The following FLVCR1 variants were observed in gnomAD, a reference collection of about 807,000 sequenced individuals.
FLVCR1 encodes the protein FLVCR choline and heme transporter 1.
In FLVCR1, 34 loss-of-function variants were observed where a neutral mutation model predicts 53.6. That is an observed-to-expected ratio of 0.63 (90% confidence interval 0.48 to 0.84). The LOEUF is 0.84. Among genes scored for constraint, FLVCR1 ranks in the 40% least tolerant of loss-of-function variants. The pLI is 0.00. For missense variants in FLVCR1, 677 were observed against 696.7 expected, an observed-to-expected ratio of 0.97 and a Z score of 0.32; for synonymous variants, 300 against 286.3, an observed-to-expected ratio of 1.05 and a Z score of -0.48.
chr1:212,881,140 T>G (rs1034943800), intron 3 of FLVCR1, among the ~76,000 whole-genome samples: 13 of 152,280 alleles, frequency 8.5e-5, no homozygotes, highest in Non-Finnish European at 1.8e-4. Context: ...CCCAGGATAA[T>G]TGATTGTCCA....
Position 212,858,297 on chromosome 1 carries a change from T to C in FLVCR1, c.-156T>C, listed in dbSNP as rs17676799. The C allele has an allele frequency of 1.5e-6, 1 of 689,042 alleles. No homozygotes were observed. The highest frequency in any genetic ancestry group is 3.0e-5 in the East Asian group (1 of 33,600). 42.7% of individuals were successfully genotyped at this position (689,042 alleles called of 1,614,324 possible). A position where few individuals can be genotyped will look rare whatever the true frequency, so the allele number is the denominator to read the frequency against. ...AGGAGACCTTCATCTGTTCACGCGG[T>C]AGCGCGGATTGCGGTTCGCGGCGCG... On this transcript the variant is annotated 5_prime_UTR_variant, in exon 1 of 10. Transcript: ENST00000366971.
At chr1:212,869,972 T>C (rs999819456) in intron 2 of FLVCR1, 2 of 152,262 alleles carry the variant, frequency 1.3e-5, no homozygotes, top group Non-Finnish European at 2.9e-5. Flanking sequence ...GCATAGTTTT[T>C]ATTTTCTGAA....
chr1:212,885,415 A>G lies in FLVCR1; in HGVS notation c.1196+19A>G. On this transcript the variant is annotated intron_variant, in intron 5 of 9. Coordinates refer to ENST00000366971, the MANE Select transcript of FLVCR1 (RefSeq NM_014053.4). ...CATACAAGTAAGTGAAAGTAAATAC[A>G]TGTATGGTGTATAACCAAAGGTATT... 1 of 1,531,756 alleles carries G rather than the reference A, an allele frequency of 6.5e-7. No homozygotes were observed. Among genetic ancestry groups the G allele is most frequent in the Non-Finnish European group, 9.1e-7 (1 of 1,104,660 alleles). The allele number at this position is 1,531,756 out of a possible 1,614,324, so 94.9% of individuals were successfully genotyped here.
intron 5 of FLVCR1, among the ~76,000 whole-genome samples, chr1:212,886,371 T>C (rs1370717066): frequency 6.6e-6 from 1 of 152,170 alleles, no homozygotes; most frequent in South Asian, 2.1e-4. Context: ...TGTTGTGGGC[T>C]TAAATACAAA....
Position 212,887,854 on chromosome 1 carries a change from A to G in FLVCR1, c.1197-37A>G, listed in dbSNP as rs113688827. On this transcript the variant is annotated intron_variant, in intron 5 of 9. Transcript: ENST00000366971. Reference sequence around the variant, plus strand: ...TGATTTTTGTATTCCTAGGAGAATCAGACAAAATACTAACAGCTTTGTTGT... The same window carrying G: ...TGATTTTTGTATTCCTAGGAGAATCGGACAAAATACTAACAGCTTTGTTGT... 3.7e-4 allele frequency: 405 copies of G among 1,107,544 alleles called. 1 individual carries two copies. In the African/African-American group the frequency reaches 5.5e-3, roughly 15 times the overall value. 68.6% of individuals were successfully genotyped at this position (1,107,544 alleles called of 1,614,324 possible). A position where few individuals can be genotyped will look rare whatever the true frequency, so the allele number is the denominator to read the frequency against.
At chr1:212,873,391 A>C (rs965778680) in intron 3 of FLVCR1, among the ~76,000 whole-genome samples, 2 of 152,134 alleles carry the variant, frequency 1.3e-5, no homozygotes, top group African/African-American at 4.8e-5. Flanking sequence ...CTCATGGAGT[A>C]TTTTAGGCCA....
At chr1:212,877,693 T>G (rs1177756155) in intron 3 of FLVCR1, among the ~76,000 whole-genome samples, 1 of 151,018 alleles carries the variant, frequency 6.6e-6, no homozygotes, top group African/African-American at 2.4e-5. Context: ...ATAGTTTTTT[T>G]TTTTTTTTTT....
intron 1 of FLVCR1, among the ~76,000 whole-genome samples, chr1:212,860,479 C>T (rs377506994): frequency 1.3e-5 from 2 of 151,186 alleles, no homozygotes; most frequent in Admixed American, 6.6e-5. Flanking sequence ...TGAACCACCA[C>T]GCCCGGCCAT....
At chr1:212,864,422 C>CTCG (rs1424640287) in intron 2 of FLVCR1, 22 of 158,376 alleles carry the variant, frequency 1.4e-4, no homozygotes, top group Admixed American at 2.4e-4. Flanking sequence ...GCTGCCACCA[C>CTCG]TCGTCACTGA....
rs1213606675 is a variant in FLVCR1 at position 212,873,426 on chromosome 1, G to A, written c.1024+608G>A. On this transcript the variant is annotated intron_variant, in intron 3 of 9. Coordinates refer to ENST00000366971, the MANE Select transcript of FLVCR1 (RefSeq NM_014053.4). ...ATTTGTGAACTATAGTTATCCTGAT[G>A]TAAGCAGGTGGGAAATGCTATCAAC... is the stretch of plus-strand genomic sequence containing the variant. Among the ~76,000 whole-genome samples, 4 of 152,192 alleles carry A rather than the reference G, an allele frequency of 2.6e-5. No individual in the cohort carries two copies. In the East Asian group the frequency reaches 5.8e-4, roughly 22 times the overall value.
In FLVCR1 at chr1:212,897,908, A is replaced by C. The variant is rs1665383380; in HGVS notation, c.*2618A>C. ...CAAGTATCCCAACTATATCAGGCAG[A>C]ATATATGCATTGATATATATTGAAA... On this transcript the variant is annotated 3_prime_UTR_variant, in exon 10 of 10. Transcript: ENST00000366971. The C allele has an allele frequency of 6.6e-6, 1 of 152,236 alleles. No individual in the cohort carries two copies. The highest frequency in any genetic ancestry group is 1.5e-5 in the Non-Finnish European group (1 of 68,050). The allele number at this position is 152,236 out of a possible 1,614,324, so 9.4% of individuals were successfully genotyped here. A position where few individuals can be genotyped will look rare whatever the true frequency, so the allele number is the denominator to read the frequency against.
chr1:212,871,134 C>T (rs79969827), intron 2 of FLVCR1, among the ~76,000 whole-genome samples: 3,498 of 152,242 alleles, frequency 0.023, 63 homozygotes, highest in South Asian at 0.041. Flanking sequence ...CATGAAATCT[C>T]TGAAATCAAG....
At chr1:212,869,994 T>C (rs1664549366) in intron 2 of FLVCR1, 1 of 152,246 alleles carries the variant, frequency 6.6e-6, no homozygotes, top group African/African-American at 2.4e-5. Context: ...CTTTGTTTTA[T>C]AACTATGTGA....
At chr1:212,871,756 G>A (rs1664603261) in intron 2 of FLVCR1, among the ~76,000 whole-genome samples, 1 of 152,146 alleles carries the variant, frequency 6.6e-6, no homozygotes, top group South Asian at 2.1e-4. Flanking sequence ...ATGGAAAGTT[G>A]GTCGATCTTT....
chr1:212,884,207 G>A (rs1451299071), intron 4 of FLVCR1, among the ~76,000 whole-genome samples: 1 of 152,138 alleles, frequency 6.6e-6, no homozygotes, highest in Non-Finnish European at 1.5e-5. Context: ...GCTGAGGCAG[G>A]AGAAACACTT....
Position 212,870,140 on chromosome 1 carries a change from A to G in FLVCR1, c.884-2538A>G, listed in dbSNP as rs1477720751. 3 of 152,234 alleles carry G rather than the reference A, an allele frequency of 2.0e-5. 1 individual carries two copies. Among genetic ancestry groups the G allele is most frequent in the Admixed American group, 2.0e-4 (3 of 15,280 alleles). 9.4% of individuals were successfully genotyped at this position (152,234 alleles called of 1,614,324 possible). A position where few individuals can be genotyped will look rare whatever the true frequency, so the allele number is the denominator to read the frequency against. On this transcript the variant is annotated intron_variant, in intron 2 of 9. Transcript: ENST00000366971. ...AAAGGAAGAGGAGGATTTGCAACTT[A>G]AACCTTTTATGTGTACCAGCCTTCC...
rs1411685528 is a variant in FLVCR1 at position 212,882,161 on chromosome 1, A to G, written c.1025-1210A>G. Among the ~76,000 whole-genome samples, 6 of 152,354 alleles carry G rather than the reference A, an allele frequency of 3.9e-5. No homozygotes were observed. In the East Asian group the frequency reaches 9.6e-4, roughly 24 times the overall value. On this transcript the variant is annotated intron_variant, in intron 3 of 9. Coordinates refer to ENST00000366971, the MANE Select transcript of FLVCR1 (RefSeq NM_014053.4). ...TAGATATATACTTAGAGAAGCTCTT[A>G]TGTATAAGAACAAAAACATAATACT...
rs759408176 is a variant in FLVCR1, at chr1:212,885,414, C to G, written c.1196+18C>G. 1 of 1,542,898 alleles carries G rather than the reference C, an allele frequency of 6.5e-7. No individual in the cohort carries two copies. The highest frequency in any genetic ancestry group is 9.0e-7 in the Non-Finnish European group (1 of 1,115,106). ...ACATACAAGTAAGTGAAAGTAAATA[C>G]ATGTATGGTGTATAACCAAAGGTAT... is the stretch of plus-strand genomic sequence containing the variant. On this transcript the variant is annotated intron_variant, in intron 5 of 9. Transcript: ENST00000366971.
intron 5 of FLVCR1, among the ~76,000 whole-genome samples, chr1:212,887,587 G>C (rs1034597415): frequency 6.6e-6 from 1 of 152,182 alleles, no homozygotes; most frequent in African/African-American, 2.4e-5. Context: ...ATTTGGAAGA[G>C]GTAGAATTTG....
Sources: gnomAD v4.1 joint callset for allele counts (sites outside exome capture counted in the v4.1 genomes callset) on GRCh38, gnomAD v4.1.1 for gene constraint, MANE v1.5 for transcripts, NCBI Gene and HGNC (gene_info 2026-07-23, HGNC 2026-07-21) for gene names.